TREM1: variants seen among roughly 807,000 people sequenced by gnomAD.
TREM1 encodes the protein triggering receptor expressed on monocytes 1.
Under a neutral mutation model 22.4 loss-of-function variants are expected in TREM1, and 16 were observed. The observed-to-expected ratio is 0.71, with a 90% CI of 0.48 to 1.08. The LOEUF (loss-of-function observed/expected upper bound fraction) is 1.08. TREM1 is among the 50% of genes least tolerant of loss of function. The pLI is 0.00. For missense variants in TREM1, 283 were observed against 282.9 expected (o/e 1.00, Z 0.00); for synonymous variants, 110 against 111.6 (o/e 0.99, Z 0.09).
Position 41,275,776 on chromosome 6 carries a change from G to C in TREM1, c.*349C>G, listed in dbSNP as rs1012137884. The C allele has an allele frequency of 3.2e-6, 1 of 312,826 alleles. No homozygotes were observed. Among genetic ancestry groups the C allele is most frequent in the African/African-American group, 2.2e-5 (1 of 46,496 alleles). The allele number at this position is 312,826 out of a possible 1,614,324, so 19.4% of individuals were successfully genotyped here. A position where few individuals can be genotyped will look rare whatever the true frequency, so the allele number is the denominator to read the frequency against. ...TATGGTCCAGGGCAAAACTGAGCAG[G>C]AGAAGTATCAGGTGTGCCTTCTGCA... On this transcript the variant is annotated 3_prime_UTR_variant, in exon 4 of 4. Coordinates refer to ENST00000244709, the MANE Select transcript of TREM1 (RefSeq NM_018643.5).
intron 1 of TREM1, among the ~76,000 whole-genome samples, chr6:41,285,002 T>C (rs1768099132): frequency 6.6e-6 from 1 of 152,236 alleles, no homozygotes. Context: ...CTCATCAGAC[T>C]GGCTGGGAGA....
intron 3 of TREM1, among the ~76,000 whole-genome samples, chr6:41,276,792 T>C (rs1205753934): frequency 6.6e-6 from 1 of 151,956 alleles, no homozygotes; most frequent in Non-Finnish European, 1.5e-5. Context: ...GGATGTGGCA[T>C]GGTAAGACAC....
Position 41,281,083 on chromosome 6 carries a change from A to T in TREM1, c.477T>A (p.Thr159=). 1 of 1,614,238 alleles carries T rather than the reference A, an allele frequency of 6.2e-7. No homozygotes were observed. Among genetic ancestry groups the T allele is most frequent in the East Asian group, 2.2e-5 (1 of 44,888 alleles). The change falls in exon 3 of 4, where the codon ACT becomes ACA. Residue 159 remains threonine, a synonymous_variant. Coordinates refer to ENST00000244709, the MANE Select transcript of TREM1 (RefSeq NM_018643.5). ...QNVYKIPPTT[T]KALCPLYTSP... ...TGGTATAGAGTGGGCACAAGGCCTT[A>T]GTGGTGGTAGGAGGAATCTTATACA...
rs1239896985 is a variant in TREM1, at chr6:41,280,937, G to T, written c.599+24C>A. ...CAAAGGGCTCAGTGTCCAAACCAGG[G>T]GCCCAGGGACCTGGAAACTATACCT... On this transcript the variant is annotated intron_variant, in intron 3 of 3. Coordinates refer to ENST00000244709, the MANE Select transcript of TREM1 (RefSeq NM_018643.5). 5 of 1,614,020 alleles carry T rather than the reference G, an allele frequency of 3.1e-6. No homozygotes were observed. In the African/African-American group the frequency reaches 6.7e-5, roughly 22 times the overall value.
rs367952779 is a variant in TREM1 at position 41,282,506 on chromosome 6, G to A, written c.295C>T (p.Arg99Ter). ...DYHDHGLLRV[R>*]MVNLQVEDSG... ...TCTTCCACTTGAAGGTTGACCATTC[G>A]GACGCGCAGTAAACCATGATCATGG... The change falls in exon 2 of 4, where the codon CGA becomes TGA. Residue 99 changes from arginine (R) to a stop codon, truncating the protein, a stop_gained. Transcript: ENST00000244709. LOFTEE classifies it high-confidence loss of function. 24 of 1,614,018 alleles carry A rather than the reference G, an allele frequency of 1.5e-5. No homozygotes were observed. The highest frequency in any genetic ancestry group is 1.6e-4 in the Middle Eastern group (1 of 6,084).
rs780579111 is a variant in TREM1 at position 41,281,219 on chromosome 6, AATGGATGT to A, written c.407-74_407-67del. On this transcript the variant is annotated intron_variant, in intron 2 of 3. Coordinates refer to ENST00000244709, the MANE Select transcript of TREM1 (RefSeq NM_018643.5). ...TGATGAATGGGTGGATGGGTGGGTG[AATGGATGT>A]ATGGATGTATGGATGAAAATGTGGA... The A allele has an allele frequency of 1.0e-4, 161 of 1,549,804 alleles. No individual in the cohort carries two copies. In the African/African-American group the frequency reaches 1.3e-3, roughly 13 times the overall value.
chr6:41,273,381 C>T (rs532889959), downstream of TREM1, among the ~76,000 whole-genome samples: 6 of 152,282 alleles, frequency 3.9e-5, no homozygotes, highest in Non-Finnish European at 8.8e-5. Flanking sequence ...CTGTTGTTAG[C>T]ATCCAAAATC....
At chr6:41,271,924 C>T (rs150211240), downstream of TREM1, among the ~76,000 whole-genome samples, 512 of 152,316 alleles carry the variant, frequency 3.4e-3, 1 homozygote, top group African/African-American at 0.012. Flanking sequence ...CTCTCCTTAC[C>T]TGCAGCAGCA....
At chr6:41,284,689 G>A (rs1269372860) in intron 1 of TREM1, among the ~76,000 whole-genome samples, 1 of 152,104 alleles carries the variant, frequency 6.6e-6, no homozygotes, top group Admixed American at 6.5e-5. Flanking sequence ...TTGCAGGCCT[G>A]GTGAAAAATG....
chr6:41,280,364 C>A (rs1205829073), intron 3 of TREM1: 1 of 987,292 alleles, frequency 1.0e-6, no homozygotes, highest in Non-Finnish European at 1.2e-6. Flanking sequence ...CTGAGAGGGA[C>A]CTCATCTGCA....
Position 41,281,153 on chromosome 6 carries a change from C to T in TREM1, c.407G>A (p.Gly136Asp), listed in dbSNP as rs757960033. The T allele has an allele frequency of 1.9e-5, 31 of 1,612,726 alleles. No individual in the cohort carries two copies. The highest frequency in any genetic ancestry group is 1.6e-4 in the Middle Eastern group (1 of 6,084). ...ATTGGAGCCAGGGGTCCCTGAAAAA[C>T]CTGCAAGAAGACACATTGGATGGAT... ...FDRIRLVVTK[G>D]FSGTPGSNEN... Residue 136 changes from glycine (G) to aspartate (D), a missense_variant and splice_region_variant, in exon 3 of 4, where the codon GGT (glycine) becomes GAT (aspartate). Transcript: ENST00000244709.
At chr6:41,271,511 C>T (rs556423596), downstream of TREM1, among the ~76,000 whole-genome samples, 5 of 152,294 alleles carry the variant, frequency 3.3e-5, no homozygotes, top group East Asian at 9.7e-4. Context: ...CATGTTACTG[C>T]CTGTCTTTTT....
downstream of TREM1, among the ~76,000 whole-genome samples, chr6:41,269,417 G>A (rs754824204): frequency 6.6e-6 from 1 of 152,160 alleles, no homozygotes; most frequent in African/African-American, 2.4e-5. Flanking sequence ...GAAATCAGAT[G>A]GGTTCCTGTA....
Position 41,276,353 on chromosome 6 carries a change from G to T in TREM1, c.600-123C>A, listed in dbSNP as rs149453801. On this transcript the variant is annotated intron_variant, in intron 3 of 3. Transcript: ENST00000244709. ...CTTAGATCCTTGCTCCACCTTTCCCGCACTGCCTGACCCTGTGCTTTTCAG... is the reference window on the plus strand; with the variant it reads ...CTTAGATCCTTGCTCCACCTTTCCCTCACTGCCTGACCCTGTGCTTTTCAG... 6.1e-4 allele frequency: 438 copies of T among 714,360 alleles called. 2 individuals are homozygous for T. Among genetic ancestry groups the T allele is most frequent in the African/African-American group, 5.1e-3 (292 of 57,228 alleles). The allele number at this position is 714,360 out of a possible 1,614,324, so 44.3% of individuals were successfully genotyped here.
At chr6:41,281,334 G>A in intron 2 of TREM1, 181 bp from the exon 3 acceptor site, 2 of 706,486 alleles carry the variant, frequency 2.8e-6, no homozygotes, top group Non-Finnish European at 4.5e-6. Flanking sequence ...GTTTTCCTTT[G>A]CTAAAGCCAA....
intron 1 of TREM1, among the ~76,000 whole-genome samples, chr6:41,284,640 C>T (rs1232810534): frequency 6.6e-6 from 1 of 152,126 alleles, no homozygotes; most frequent in African/African-American, 2.4e-5. Flanking sequence ...GTCACGGTAA[C>T]ACTAGTACTG....
At chr6:41,276,431 G>A (rs1197937375) in intron 3 of TREM1, among the ~76,000 whole-genome samples, 10 of 152,132 alleles carry the variant, frequency 6.6e-5, no homozygotes, top group Admixed American at 4.6e-4. Flanking sequence ...GGAGAGTATA[G>A]GTCCCTGTCC....
At chr6:41,279,078 C>G (rs781712841) in intron 3 of TREM1, among the ~76,000 whole-genome samples, 8 of 152,364 alleles carry the variant, frequency 5.3e-5, no homozygotes, top group South Asian at 2.1e-4. Flanking sequence ...CAGCCCTCCC[C>G]CTTCCACCAC....
intron 1 of TREM1, among the ~76,000 whole-genome samples, chr6:41,284,729 T>G (rs530471441): frequency 1.3e-5 from 2 of 152,270 alleles, no homozygotes; most frequent in African/African-American, 4.8e-5. Flanking sequence ...TGGAGCCCCC[T>G]GGCATGCCCA....
Sources: allele counts gnomAD v4.1 joint callset (sites outside exome capture counted in the v4.1 genomes callset), GRCh38; gene constraint gnomAD v4.1.1; transcripts MANE v1.5; gene names NCBI Gene and HGNC (gene_info 2026-07-23, HGNC 2026-07-21).